The following TEX11 variants were observed in gnomAD, a reference collection of about 807,000 sequenced individuals.
TEX11 encodes testis expressed 11, also known as testis-expressed protein 11.
In TEX11, 7 loss-of-function variants were observed where a neutral mutation model predicts 84.4. That is an observed-to-expected ratio of 0.08 (90% CI 0.05 to 0.16). The LOEUF (loss-of-function observed/expected upper bound fraction) is 0.16. TEX11 is among the 10% of genes least tolerant of loss of function. TEX11 has a pLI of 1.00. For synonymous variants in TEX11, 264 were observed against 222.8 expected (o/e 1.18, Z -1.64); for missense variants, 551 against 660.5 (o/e 0.83, Z 1.82).
rs182984391 is a variant in TEX11 at position 70,528,972 on chromosome X, A to T, written c.*123T>A. The T allele has an allele frequency of 1.2e-5, 6 of 501,511 alleles. No individual in the cohort carries two copies. The African/African-American group carries it at 1.4e-4, about 12-fold the overall frequency. 41.3% of individuals were successfully genotyped at this position (501,511 alleles called of 1,213,427 possible). ...AGCATGCTTTTATTTTAGAAAGTTT[A>T]TTCAACAACATGAAAACAGGGTCTG... is the stretch of plus-strand genomic sequence containing the variant. On this transcript the variant is annotated 3_prime_UTR_variant, in exon 30 of 30. Transcript: ENST00000374333.
intron 9 of TEX11, among the ~76,000 whole-genome samples, chrX:70,762,740 G>T (rs1310750671): frequency 2.7e-5 from 3 of 111,538 alleles, no homozygotes; most frequent in Non-Finnish European, 5.7e-5. Flanking sequence ...CTGCCTTAAA[G>T]AATTAAAATG....
At chrX:70,551,831 C>A (rs1003966236) in intron 28 of TEX11, among the ~76,000 whole-genome samples, 2 of 111,788 alleles carry the variant, frequency 1.8e-5, no homozygotes, top group Admixed American at 1.9e-4. Flanking sequence ...AGGTTCATAT[C>A]ATCACAGAGA....
At chrX:70,787,372 C>T (rs1203766890) in intron 9 of TEX11, among the ~76,000 whole-genome samples, 1 of 107,890 alleles carries the variant, frequency 9.3e-6, no homozygotes, top group East Asian at 3.0e-4. Context: ...AGCTTTGTCA[C>T]CAGGTTGGAG....
At chrX:70,565,118 C>G (rs1389624361) in intron 25 of TEX11, among the ~76,000 whole-genome samples, 3 of 109,486 alleles carry the variant, frequency 2.7e-5, no homozygotes, top group African/African-American at 1.0e-4. Flanking sequence ...GAGATGGTAT[C>G]TCATTGTGGT....
At chrX:70,863,986 C>T (rs780164348) in intron 4 of TEX11, among the ~76,000 whole-genome samples, 1 of 111,339 alleles carries the variant, frequency 9.0e-6, no homozygotes, top group South Asian at 3.8e-4. Context: ...GATTGAAGAC[C>T]GTTGAAGACC....
rs756709006 is a variant in TEX11, at chrX:70,618,587, G to C, written c.1751+5363C>G. Among the ~76,000 whole-genome samples the C allele has an allele frequency of 5.8e-4, 65 of 111,803 alleles. 1 individual carries two copies. In the Middle Eastern group the frequency reaches 0.023, roughly 39 times the overall value. ...ATGGCTATGTGGCAGATTCCTCACG[G>C]GGAAGGCCTTGAACACAGCTAGCAA... On this transcript the variant is annotated intron_variant, in intron 20 of 29. Coordinates refer to ENST00000374333, the MANE Select transcript of TEX11 (RefSeq NM_031276.3).
intron 11 of TEX11, among the ~76,000 whole-genome samples, chrX:70,731,585 C>T (rs767721978): frequency 9.0e-6 from 1 of 111,186 alleles, no homozygotes; most frequent in Non-Finnish European, 1.9e-5. Flanking sequence ...ATACATACAC[C>T]CTCCCAAGAC....
At chrX:70,835,319 T>A (rs1460422161) in intron 7 of TEX11, among the ~76,000 whole-genome samples, 8 of 112,549 alleles carry the variant, frequency 7.1e-5, no homozygotes, top group African/African-American at 1.9e-4. Flanking sequence ...TCAGATTTTA[T>A]CTTAGAGAAA....
intron 2 of TEX11, among the ~76,000 whole-genome samples, chrX:70,905,748 T>C (rs776812140): frequency 9.1e-6 from 1 of 109,350 alleles, no homozygotes; most frequent in African/African-American, 3.3e-5. Flanking sequence ...AAAGTATTCA[T>C]ATGGGTAAAT....
chrX:70,585,345 G>T (rs1433701080), intron 25 of TEX11, among the ~76,000 whole-genome samples: 2 of 112,199 alleles, frequency 1.8e-5, no homozygotes, highest in Middle Eastern at 4.2e-3. Context: ...ACACACTGAT[G>T]AAAGACATTA....
intron 13 of TEX11, among the ~76,000 whole-genome samples, chrX:70,710,702 C>G (rs1356311303): frequency 9.0e-6 from 1 of 110,671 alleles, no homozygotes; most frequent in East Asian, 2.8e-4. Flanking sequence ...TTAACATGAT[C>G]TTCAGCTGAT....
At chrX:70,610,177 G>A (rs1369423941) in intron 21 of TEX11, among the ~76,000 whole-genome samples, 1 of 73,322 alleles carries the variant, frequency 1.4e-5, no homozygotes, top group Non-Finnish European at 2.7e-5. Context: ...GGAGGGAAGG[G>A]GGAAGGAGAG....
At chrX:70,733,123 C>G (rs2090667627) in intron 11 of TEX11, among the ~76,000 whole-genome samples, 1 of 111,845 alleles carries the variant, frequency 8.9e-6, no homozygotes, top group Non-Finnish European at 1.9e-5. Flanking sequence ...AACTGGATCC[C>G]TTCCTTACAC....
At chrX:70,898,644 C>T (rs1041169006) in intron 2 of TEX11, among the ~76,000 whole-genome samples, 4 of 104,870 alleles carry the variant, frequency 3.8e-5, no homozygotes, top group Non-Finnish European at 5.8e-5. Flanking sequence ...CTCACTCTGT[C>T]GGCCAGGCTG....
intron 8 of TEX11, among the ~76,000 whole-genome samples, chrX:70,831,390 G>T (rs368681160): frequency 9.0e-6 from 1 of 111,265 alleles, no homozygotes; most frequent in African/African-American, 3.3e-5. Context: ...ACTTTGGGTG[G>T]CTGGGGCAAG....
chrX:70,511,752 CAAAAAAA>C, the TEX11 span, among the ~76,000 whole-genome samples: 14 of 32,746 alleles, frequency 4.3e-4, no homozygotes, highest in East Asian at 1.5e-3. Flanking sequence ...GACTCCATCT[CAAAAAAA>C]AAAAAAAAAA....
intron 2 of TEX11, among the ~76,000 whole-genome samples, chrX:70,904,083 G>A (rs1159811859): frequency 9.7e-6 from 1 of 103,350 alleles, no homozygotes; most frequent in African/African-American, 3.6e-5. Context: ...GCCTCCCAAA[G>A]TGCTGCGATT....
chrX:70,740,642 A>G (rs2090727199), intron 11 of TEX11, 59 bp downstream of exon 11: 2 of 841,963 alleles, frequency 2.4e-6, no homozygotes, highest in African/African-American at 4.1e-5. Context: ...GGATTTCAAA[A>G]TGTGATCAAG....
intron 18 of TEX11, among the ~76,000 whole-genome samples, chrX:70,625,776 CTT>C (rs36048662): frequency 5.2e-4 from 49 of 95,081 alleles, no homozygotes; most frequent in African/African-American, 5.5e-4. Flanking sequence ...TTTTCTTTTT[CTT>C]TTTTTTTTTT....
Sources: gnomAD v4.1 joint callset for allele counts (sites outside exome capture counted in the v4.1 genomes callset) on GRCh38, gnomAD v4.1.1 for gene constraint, MANE v1.5 for transcripts, NCBI Gene and HGNC (gene_info 2026-07-23, HGNC 2026-07-21) for gene names.